Variants in HMCN2 observed in about 807,000 individuals in gnomAD.
HMCN2 encodes the protein hemicentin 2, also known as hemicentin-2.
Under a neutral mutation model 377.5 loss-of-function variants are expected in HMCN2, and 325 were observed. That is an observed-to-expected ratio of 0.86 (90% confidence interval 0.79 to 0.94). The LOEUF (loss-of-function observed/expected upper bound fraction) is 0.94. HMCN2 is among the 40% of genes least tolerant of loss of function. HMCN2 has a pLI of 0.00. For synonymous variants in HMCN2, 2,007 were observed against 2,046.8 expected, an observed-to-expected ratio of 0.98 and a Z score of 0.53; for missense variants, 4,543 against 4,725.3, an observed-to-expected ratio of 0.96 and a Z score of 1.13.
At chr9:130,417,538 C>CAAAAAAAAAAAAAAAAAAAAA (rs869110055) in intron 85 of HMCN2, among the ~76,000 whole-genome samples, 1 of 36,612 alleles carries the variant, frequency 2.7e-5, no homozygotes, top group African/African-American at 1.2e-4. Context: ...AAAAAAAAAA[C>CAAAAAAAAAAAAAAAAAAAAA]AAAAAAAAAC....
In HMCN2 at chr9:130,308,316, A is replaced by T. The variant is rs1554937603; in HGVS notation, c.2200+750A>T. Among the ~76,000 whole-genome samples the T allele has an allele frequency of 6.6e-6, 1 of 152,132 alleles. No individual in the cohort carries two copies. The highest frequency in any genetic ancestry group is 1.5e-5 in the Non-Finnish European group (1 of 68,024). On this transcript the variant is annotated intron_variant, in intron 14 of 97. Transcript: ENST00000683500. The surrounding 1 kb of genome is among the most constrained non-coding windows in gnomAD (Gnocchi z 4.1). ...TGTGCTGTGCTTGGCATTCTTAGTG[A>T]TAGTGCCGACGATAATGTGATTATC...
chr9:130,282,103 C>G (rs1435838139), intron 1 of HMCN2, among the ~76,000 whole-genome samples: 6 of 152,196 alleles, frequency 3.9e-5, no homozygotes, highest in Admixed American at 6.5e-5. Flanking sequence ...GATTGCTCTT[C>G]TTAGTCAAAG....
At chr9:130,389,829 C>T (rs1842214483) in intron 62 of HMCN2, among the ~76,000 whole-genome samples, 1 of 152,236 alleles carries the variant, frequency 6.6e-6, no homozygotes, top group African/African-American at 2.4e-5. Flanking sequence ...CCTGCCTCGG[C>T]CTCCCACAGT....
In HMCN2 at chr9:130,406,184, G is replaced by A. The variant is rs1026707590; in HGVS notation, c.12553+16G>A. On this transcript the variant is annotated intron_variant, in intron 82 of 97. Coordinates refer to ENST00000683500, the MANE Select transcript of HMCN2 (RefSeq NM_001291815.2). ...CCAGTCACAGGTCTGGGTCTGCTGG[G>A]CATGGGTGGGACAGAGAGCCAGGAC... 5 of 1,289,400 alleles carry A rather than the reference G, an allele frequency of 3.9e-6. No individual in the cohort carries two copies. The highest frequency in any genetic ancestry group is 2.3e-5 in the Admixed American group (1 of 43,540). The allele number at this position is 1,289,400 out of a possible 1,614,324, so 79.9% of individuals were successfully genotyped here. A position where few individuals can be genotyped will look rare whatever the true frequency, so the allele number is the denominator to read the frequency against.
At chr9:130,396,098 A>T in intron 72 of HMCN2, 33 bp downstream of exon 72, 2 of 211,926 alleles carry the variant, frequency 9.4e-6, no homozygotes, top group Non-Finnish European at 1.3e-5. Context: ...CACCCTGCCC[A>T]CCTTACCCCA....
chr9:130,397,708 C>CTTCTTAGT, intron 74 of HMCN2, 53 bp downstream of exon 74: 1 of 1,274,582 alleles, frequency 7.8e-7, no homozygotes, highest in Non-Finnish European at 1.0e-6. Flanking sequence ...GGGTCCAGTC[C>CTTCTTAGT]TTCTTAGTTT....
chr9:130,394,991 G>A lies in HMCN2; in HGVS notation c.10693-36G>A, dbSNP rs1263001891. ...CCAGATTGGGAGGCGGGCAGAGAGG[G>A]GCCAGGGGCAGCTGCTCAACCCGCT... On this transcript the variant is annotated intron_variant, in intron 69 of 97. Transcript: ENST00000683500. The surrounding 1 kb of genome is among the most constrained non-coding windows in gnomAD (Gnocchi z 5.1). The A allele has an allele frequency of 1.2e-5, 15 of 1,236,220 alleles. No homozygotes were observed. The highest frequency in any genetic ancestry group is 1.6e-5 in the Non-Finnish European group (15 of 947,594). The allele number at this position is 1,236,220 out of a possible 1,614,324, so 76.6% of individuals were successfully genotyped here.
At position 130,408,836 on chromosome 9, in the gene HMCN2, T is replaced by G; in HGVS notation, c.12782T>G (p.Val4261Gly). The change falls in exon 84 of 98, where the codon GTG becomes GGG. Residue 4261 changes from valine (V) to glycine (G), a missense_variant. Val to Gly is a moderately radical substitution (Grantham distance 109). Around this residue, in one of 5 missense-constraint regions of HMCN2, gnomAD observed 1,073 missense variants for 1,319.5 expected, o/e 0.81. Transcript: ENST00000683500. Reference protein sequence around the residue: ...QLDCVVRGDPVPDIHWIKDGL... With the variant: ...QLDCVVRGDPGPDIHWIKDGL... ...GACTGTGTGGTGCGTGGAGACCCAG[T>G]GCCGGACATCCACTGGATCAAAGAT... The G allele has an allele frequency of 7.8e-7, 1 of 1,289,790 alleles. No homozygotes were observed. The highest frequency in any genetic ancestry group is 1.0e-6 in the Non-Finnish European group (1 of 988,858). The allele number at this position is 1,289,790 out of a possible 1,614,324, so 79.9% of individuals were successfully genotyped here.
In HMCN2 at chr9:130,422,861, G is replaced by A. The variant is rs143146152; in HGVS notation, c.13381+135G>A. On this transcript the variant is annotated intron_variant, in intron 87 of 97. Transcript: ENST00000683500. The surrounding 1 kb of genome is among the most constrained non-coding windows in gnomAD (Gnocchi z 4.2). ...GCTCAAGGCCTGATGACCAGAGCACGTCTGACCATCTCTCAAAGCTGAGTG... is the reference window on the plus strand; with the variant it reads ...GCTCAAGGCCTGATGACCAGAGCACATCTGACCATCTCTCAAAGCTGAGTG... 1.5e-5 allele frequency: 10 copies of A among 688,370 alleles called. No homozygotes were observed. Among genetic ancestry groups the A allele is most frequent in the Non-Finnish European group, 2.0e-5 (10 of 490,274 alleles). 42.6% of individuals were successfully genotyped at this position (688,370 alleles called of 1,614,324 possible). A position where few individuals can be genotyped will look rare whatever the true frequency, so the allele number is the denominator to read the frequency against.
chr9:130,425,527 C>A (rs1312195437), intron 89 of HMCN2, among the ~76,000 whole-genome samples, 160 bp from the exon 90 acceptor site: 3 of 151,964 alleles, frequency 2.0e-5, no homozygotes, highest in African/African-American at 7.3e-5. Flanking sequence ...CAAGGCTCAC[C>A]CCATCTTCTC....
intron 95 of HMCN2, 133 bp from the exon 96 acceptor site, chr9:130,431,234 G>A: frequency 5.5e-6 from 5 of 902,162 alleles, no homozygotes; most frequent in South Asian, 5.1e-5. Flanking sequence ...TGGGCTGGGA[G>A]GGGCAGGACA....
rs1321091416 is a variant in HMCN2, at chr9:130,406,047, G to C, written c.12432G>C (p.Val4144=). 1 of 1,289,902 alleles carries C rather than the reference G, an allele frequency of 7.8e-7. No individual in the cohort carries two copies. Among genetic ancestry groups the C allele is most frequent in the East Asian group, 5.5e-5 (1 of 18,030 alleles). 79.9% of individuals were successfully genotyped at this position (1,289,902 alleles called of 1,614,324 possible). Residue 4144 remains valine, a synonymous_variant, in exon 82 of 98, where the codon GTG becomes GTC. Coordinates refer to ENST00000683500, the MANE Select transcript of HMCN2 (RefSeq NM_001291815.2). ...RVHLTILVLP[V]FTTLPGDRSL... is the part of the protein sequence containing the mutation. ...ACCTCACCATCCTGGTACTGCCTGTGTTCACCACCCTGCCTGGGGACCGCA... is the reference window on the plus strand; with the variant it reads ...ACCTCACCATCCTGGTACTGCCTGTCTTCACCACCCTGCCTGGGGACCGCA...
chr9:130,406,039 C>T lies in HMCN2; in HGVS notation c.12424C>T (p.Leu4142=). 7.8e-7 allele frequency: 1 copy of T among 1,289,888 alleles called. No individual in the cohort carries two copies. Among genetic ancestry groups the T allele is most frequent in the Non-Finnish European group, 1.0e-6 (1 of 988,890 alleles). The allele number at this position is 1,289,888 out of a possible 1,614,324, so 79.9% of individuals were successfully genotyped here. The change falls in exon 82 of 98, where the codon CTG becomes TTG. Residue 4142 remains leucine, a synonymous_variant. Transcript: ENST00000683500. ...CCGCGTGCACCTCACCATCCTGGTA[C>T]TGCCTGTGTTCACCACCCTGCCTGG... ...RRRVHLTILV[L]PVFTTLPGDR...
Position 130,407,722 on chromosome 9 carries a change from A to G in HMCN2, c.12688+17A>G. 8.4e-7 allele frequency: 1 copy of G among 1,193,376 alleles called. No individual in the cohort carries two copies. The highest frequency in any genetic ancestry group is 1.1e-6 in the Non-Finnish European group (1 of 939,936). The allele number at this position is 1,193,376 out of a possible 1,614,324, so 73.9% of individuals were successfully genotyped here. On this transcript the variant is annotated intron_variant, in intron 83 of 97. Transcript: ENST00000683500. ...ACGTGAAGGGTAGGGCACATTCCCC[A>G]GGTGGCTTCTCTCTCAAGACCTCCA...
At position 130,349,542 on chromosome 9, in the gene HMCN2, C is replaced by A; in HGVS notation, c.4309C>A (p.Pro1437Thr). The change falls in exon 29 of 98, where the codon CCT becomes ACT. Residue 1437 changes from proline to threonine, a missense_variant. Pro to Thr is a conservative substitution (Grantham distance 38, BLOSUM62 -1). Around this residue, in one of 5 missense-constraint regions of HMCN2, gnomAD observed 1,032 missense variants for 1,285.1 expected, o/e 0.80. Transcript: ENST00000683500. ...TCACGCCTTCTCACCCCCAGCCCCT[C>A]CTTCCGTGCTTGGAGCCGGGGCCGC... Reference protein sequence around the residue: ...RDFHLLVLTPPSVLGAGAAQE... With the variant: ...RDFHLLVLTPTSVLGAGAAQE... 2 of 1,302,686 alleles carry A rather than the reference C, an allele frequency of 1.5e-6. No homozygotes were observed. Among genetic ancestry groups the A allele is most frequent in the Non-Finnish European group, 2.0e-6 (2 of 988,700 alleles). 80.7% of individuals were successfully genotyped at this position (1,302,686 alleles called of 1,614,324 possible).
At chr9:130,272,035 C>T (rs1834434485) in intron 1 of HMCN2, among the ~76,000 whole-genome samples, 1 of 148,986 alleles carries the variant, frequency 6.7e-6, no homozygotes, top group Non-Finnish European at 1.5e-5. Context: ...TCTCCTGCCA[C>T]CCACCATCCC....
intron 51 of HMCN2, among the ~76,000 whole-genome samples, chr9:130,376,231 G>A (rs755399966): frequency 1.8e-4 from 27 of 152,278 alleles, no homozygotes; most frequent in Non-Finnish European, 3.1e-4. Flanking sequence ...TGCCACTTCT[G>A]CTTTGGAGTA....
At chr9:130,284,722 C>G (rs1554926974) in intron 2 of HMCN2, 49 bp downstream of exon 2, 1 of 470,452 alleles carries the variant, frequency 2.1e-6, no homozygotes, top group African/African-American at 2.0e-5. Flanking sequence ...CTGTGTCCCA[C>G]CAATAGGGTT....
chr9:130,415,913 T>G (rs960026311), intron 85 of HMCN2, among the ~76,000 whole-genome samples: 7 of 152,080 alleles, frequency 4.6e-5, no homozygotes, highest in Non-Finnish European at 1.5e-5. Flanking sequence ...CTGATGATAT[T>G]TCTCAGGGCA....
Sources: allele counts gnomAD v4.1 joint callset (sites outside exome capture counted in the v4.1 genomes callset), GRCh38; gene constraint gnomAD v4.1.1; regional missense constraint gnomAD v4.1.1; non-coding constraint Gnocchi (gnomAD v3.1); transcripts MANE v1.5; gene names NCBI Gene and HGNC (gene_info 2026-07-23, HGNC 2026-07-21).